Variants in NSMCE2 observed in about 807,000 individuals in gnomAD.
NSMCE2 encodes NSE2 SUMO ligase component of SMC5/6 complex.
In NSMCE2, 24 loss-of-function variants were observed where a neutral mutation model predicts 23.8. The ratio of observed to expected loss-of-function variants is 1.01; its 90% CI spans 0.73 to 1.42. The LOEUF (loss-of-function observed/expected upper bound fraction) is 1.42, where lower values mean the gene tolerates loss of function less well. Ranked by LOEUF, NSMCE2 falls within the 40% of genes most tolerant of loss-of-function variation. The pLI is 0.00. For missense variants in NSMCE2, 284 were observed against 296.5 expected, an observed-to-expected ratio of 0.96 and a Z score of 0.31; for synonymous variants, 92 against 94.1, an observed-to-expected ratio of 0.98 and a Z score of 0.13.
intron 5 of NSMCE2, among the ~76,000 whole-genome samples, chr8:125,340,163 C>T (rs1388343511): frequency 4.0e-5 from 6 of 151,612 alleles, no homozygotes; most frequent in Non-Finnish European, 8.8e-5. Context: ...TACAGGCGCC[C>T]GCCATCACGC....
chr8:125,191,985 A>T (rs2130829792), intron 5 of NSMCE2, among the ~76,000 whole-genome samples: 1 of 152,320 alleles, frequency 6.6e-6, no homozygotes, highest in East Asian at 1.9e-4. Context: ...AATGACAGAT[A>T]GCTATAATTA....
intron 5 of NSMCE2, among the ~76,000 whole-genome samples, chr8:125,261,573 A>G (rs1826692224): frequency 6.6e-6 from 1 of 152,146 alleles, no homozygotes. Context: ...GAATTCTGGA[A>G]ATTTAATTAA....
At chr8:125,163,961 A>T (rs762044928) in intron 4 of NSMCE2, among the ~76,000 whole-genome samples, 8 of 152,254 alleles carry the variant, frequency 5.3e-5, no homozygotes, top group Non-Finnish European at 1.0e-4. Context: ...TATGAATATT[A>T]GCTTGGAGTT....
At chr8:125,157,751 T>C (rs1821399979) in intron 4 of NSMCE2, among the ~76,000 whole-genome samples, 1 of 152,180 alleles carries the variant, frequency 6.6e-6, no homozygotes, top group South Asian at 2.1e-4. Flanking sequence ...CTCATAGAAA[T>C]CCATCATAGT....
intron 5 of NSMCE2, among the ~76,000 whole-genome samples, chr8:125,275,638 A>C (rs987587622): frequency 1.4e-4 from 22 of 152,122 alleles, no homozygotes; most frequent in Non-Finnish European, 7.4e-5. Context: ...CTAATGTTTT[A>C]TGTAGGGGCC....
chr8:125,353,660 G>A (rs763448266), intron 5 of NSMCE2, among the ~76,000 whole-genome samples: 23 of 152,068 alleles, frequency 1.5e-4, no homozygotes, highest in Non-Finnish European at 2.8e-4. Context: ...TGAGGCAGGC[G>A]GATCACAAGG....
Position 125,102,354 on chromosome 8 carries a change from T to C in NSMCE2, c.24T>C (p.Asn8=). The change falls in exon 3 of 8, where the codon AAT becomes AAC. Residue 8 remains asparagine, a synonymous_variant. Transcript: ENST00000287437. ...AGATGCCAGGACGTTCCAGTTCAAA[T>C]TCAGGTTCAACTGGTTTCATCTCCT... MPGRSSS[N]SGSTGFISFS... The C allele has an allele frequency of 6.2e-7, 1 of 1,613,668 alleles. No homozygotes were observed. The highest frequency in any genetic ancestry group is 8.5e-7 in the Non-Finnish European group (1 of 1,179,574).
chr8:125,128,860 T>G (rs1482646083), intron 3 of NSMCE2, among the ~76,000 whole-genome samples: 3 of 152,184 alleles, frequency 2.0e-5, no homozygotes, highest in Admixed American at 2.0e-4. Flanking sequence ...TCCACCCAGA[T>G]AAGCCTGGAT....
At chr8:125,163,064 T>G (rs932489248) in intron 4 of NSMCE2, among the ~76,000 whole-genome samples, 1 of 152,242 alleles carries the variant, frequency 6.6e-6, no homozygotes, top group African/African-American at 2.4e-5. Context: ...GAAAGAATGT[T>G]AAACAGTTTA....
At chr8:125,362,733 C>T (rs1480957857) in intron 7 of NSMCE2, among the ~76,000 whole-genome samples, 1 of 152,254 alleles carries the variant, frequency 6.6e-6, no homozygotes, top group African/African-American at 2.4e-5. Flanking sequence ...TCCAGCTCCC[C>T]TTGGGAGGGC....
chr8:125,261,989 C>T (rs927393993), intron 5 of NSMCE2, among the ~76,000 whole-genome samples: 8 of 151,644 alleles, frequency 5.3e-5, no homozygotes, highest in Non-Finnish European at 7.4e-5. Context: ...CTCAATTACT[C>T]GGGAAGCTGA....
chr8:125,225,861 C>T (rs1190897897), intron 5 of NSMCE2, among the ~76,000 whole-genome samples: 2 of 152,164 alleles, frequency 1.3e-5, no homozygotes, highest in African/African-American at 2.4e-5. Context: ...CACGCTTTAA[C>T]TGGAGAATGA....
chr8:125,095,878 A>AT (rs1563646396), intron 1 of NSMCE2, among the ~76,000 whole-genome samples: 1 of 143,538 alleles, frequency 7.0e-6, no homozygotes, highest in African/African-American at 2.7e-5. Context: ...GCAAAACTCC[A>AT]TCTCAAAAAA....
At chr8:125,330,752 C>T (rs1183858906) in intron 5 of NSMCE2, among the ~76,000 whole-genome samples, 1 of 152,132 alleles carries the variant, frequency 6.6e-6, no homozygotes, top group Non-Finnish European at 1.5e-5. Flanking sequence ...TGGGAAACGC[C>T]AGAGGCTTTG....
intron 5 of NSMCE2, among the ~76,000 whole-genome samples, chr8:125,332,335 C>T (rs1288438957): frequency 6.6e-6 from 1 of 152,092 alleles, no homozygotes; most frequent in Non-Finnish European, 1.5e-5. Context: ...GAAATTTTGA[C>T]CTTAGATACA....
At chr8:125,277,581 A>T (rs181744038) in intron 5 of NSMCE2, among the ~76,000 whole-genome samples, 7 of 150,642 alleles carry the variant, frequency 4.6e-5, no homozygotes, top group Non-Finnish European at 5.9e-5. Flanking sequence ...ATCTCAGCTC[A>T]CTGCAAGCTC....
chr8:125,366,949 C>A lies in NSMCE2; in HGVS notation c.*64C>A. The A allele has an allele frequency of 2.2e-6, 2 of 899,212 alleles. No individual in the cohort carries two copies. The highest frequency in any genetic ancestry group is 3.7e-6 in the Non-Finnish European group (2 of 539,374). 55.7% of individuals were successfully genotyped at this position (899,212 alleles called of 1,614,324 possible). Reference sequence around the variant, plus strand: ...TCCTACCCCAGCTGTCTGTTGAGAGCAGTGCTGACCCCAGCAGTTAGGGAC... The same window carrying A: ...TCCTACCCCAGCTGTCTGTTGAGAGAAGTGCTGACCCCAGCAGTTAGGGAC... On this transcript the variant is annotated 3_prime_UTR_variant, in exon 8 of 8. Transcript: ENST00000287437.
At chr8:125,298,614 A>G (rs1828420374) in intron 5 of NSMCE2, among the ~76,000 whole-genome samples, 1 of 151,640 alleles carries the variant, frequency 6.6e-6, no homozygotes, top group African/African-American at 2.4e-5. Flanking sequence ...GAGTTGTTAT[A>G]GTAATTAAAT....
At chr8:125,187,181 GCC>G (rs1043978078) in intron 5 of NSMCE2, among the ~76,000 whole-genome samples, 1 of 152,140 alleles carries the variant, frequency 6.6e-6, no homozygotes. Context: ...CTTAATAGCA[GCC>G]TACTCTCCCT....
Sources: gnomAD v4.1 joint callset for allele counts (sites outside exome capture counted in the v4.1 genomes callset) on GRCh38, gnomAD v4.1.1 for gene constraint, MANE v1.5 for transcripts, NCBI Gene and HGNC (gene_info 2026-07-23, HGNC 2026-07-21) for gene names.